Variants in ZNF407 observed in about 807,000 individuals in gnomAD.
The protein encoded by ZNF407 is zinc finger protein 407.
A neutral mutation model predicts 131.2 loss-of-function variants in ZNF407; 17 were observed. The ratio of observed to expected loss-of-function variants is 0.13; its 90% CI spans 0.09 to 0.19. The LOEUF is 0.19. ZNF407 is among the 10% of genes least tolerant of loss of function. The probability of loss-of-function intolerance (pLI) is 1.00; values close to 1 mark genes in which losing one functional copy is unlikely to be tolerated. For synonymous variants in ZNF407, 1,156 were observed against 1,062.0 expected (o/e 1.09, Z -1.72); for missense variants, 2,681 against 2,830.6 (o/e 0.95, Z 1.20).
rs181811156 is a variant in ZNF407 at position 74,984,663 on chromosome 18, A to G, written c.5428+63971A>G. On this transcript the variant is annotated intron_variant, in intron 8 of 8. Transcript: ENST00000299687. ...AAAACCTAAAAACTAAATGATGGTT[A>G]AGAAAATCCCGTATTGTTTCTGAGA... is the stretch of plus-strand genomic sequence containing the variant. Among the ~76,000 whole-genome samples the G allele has an allele frequency of 8.5e-5, 13 of 152,370 alleles. No homozygotes were observed. In the East Asian group the frequency reaches 1.5e-3, roughly 18 times the overall value.
At chr18:74,745,523 A>G (rs1334413164) in intron 3 of ZNF407, among the ~76,000 whole-genome samples, 1 of 152,146 alleles carries the variant, frequency 6.6e-6, no homozygotes, top group Non-Finnish European at 1.5e-5. Context: ...AAATGTAATC[A>G]TTTGGTATTG....
At chr18:74,876,438 C>T (rs1207459426) in intron 4 of ZNF407, among the ~76,000 whole-genome samples, 2 of 152,156 alleles carry the variant, frequency 1.3e-5, no homozygotes, top group Non-Finnish European at 2.9e-5. Context: ...GGCAGAAGAT[C>T]AAACAGAGGA....
At chr18:74,928,151 C>T (rs1432530370) in intron 8 of ZNF407, among the ~76,000 whole-genome samples, 1 of 152,048 alleles carries the variant, frequency 6.6e-6, no homozygotes, top group African/African-American at 2.4e-5. Flanking sequence ...GAAGTTATAG[C>T]CAAAGACATC....
intron 8 of ZNF407, among the ~76,000 whole-genome samples, chr18:74,977,358 C>T (rs1432304776): frequency 2.0e-5 from 3 of 152,208 alleles, no homozygotes; most frequent in Non-Finnish European, 4.4e-5. Context: ...TTCCACACTG[C>T]CACCACACAC....
intron 8 of ZNF407, among the ~76,000 whole-genome samples, chr18:74,985,539 A>T (rs1258654051): frequency 1.3e-5 from 2 of 152,234 alleles, no homozygotes; most frequent in Non-Finnish European, 2.9e-5. Context: ...GCAAACAAAA[A>T]TAAGGAGGAA....
intron 4 of ZNF407, among the ~76,000 whole-genome samples, chr18:74,835,414 C>T (rs1459991603): frequency 3.9e-5 from 6 of 152,146 alleles, no homozygotes; most frequent in Non-Finnish European, 8.8e-5. Flanking sequence ...AATTGGTCCC[C>T]GCCTCTGAGG....
chr18:74,690,761 ATTTAC>A (rs1209634794), intron 3 of ZNF407, among the ~76,000 whole-genome samples: 1 of 152,114 alleles, frequency 6.6e-6, no homozygotes, highest in Non-Finnish European at 1.5e-5. Flanking sequence ...GTAGTCATTA[ATTTAC>A]TTTGAGTACC....
At chr18:74,830,512 CT>C (rs1970468021) in intron 4 of ZNF407, among the ~76,000 whole-genome samples, 1 of 152,184 alleles carries the variant, frequency 6.6e-6, no homozygotes, top group Non-Finnish European at 1.5e-5. Flanking sequence ...AGGTCTTGCA[CT>C]TCTGGCCTCA....
intron 8 of ZNF407, among the ~76,000 whole-genome samples, chr18:74,988,464 G>A (rs1972679071): frequency 1.3e-5 from 2 of 150,520 alleles, no homozygotes. Flanking sequence ...AAAATAAAGA[G>A]AAAAGATATA....
intron 3 of ZNF407, among the ~76,000 whole-genome samples, chr18:74,704,922 T>A (rs879681997): frequency 1.3e-5 from 2 of 152,208 alleles, no homozygotes; most frequent in Non-Finnish European, 2.9e-5. Flanking sequence ...AATAGTAGGC[T>A]TGTATGCTTT....
intron 3 of ZNF407, among the ~76,000 whole-genome samples, chr18:74,770,494 A>T (rs1269857037): frequency 6.6e-6 from 1 of 152,224 alleles, no homozygotes; most frequent in East Asian, 1.9e-4. Flanking sequence ...TTCCAACGAA[A>T]AAAAACAAGA....
chr18:74,719,713 C>T (rs1450731917), intron 3 of ZNF407, among the ~76,000 whole-genome samples: 2 of 152,176 alleles, frequency 1.3e-5, no homozygotes, highest in South Asian at 4.1e-4. Context: ...CTACTTTTTA[C>T]TTCTATGCGA....
At chr18:74,688,841 T>G (rs902899837) in intron 3 of ZNF407, among the ~76,000 whole-genome samples, 2 of 152,184 alleles carry the variant, frequency 1.3e-5, no homozygotes, top group Non-Finnish European at 2.9e-5. Flanking sequence ...TATCTTTCTT[T>G]TTTTTCAGAC....
intron 3 of ZNF407, among the ~76,000 whole-genome samples, chr18:74,724,175 AATTTT>A (rs1363074069): frequency 3.3e-5 from 5 of 152,216 alleles, no homozygotes; most frequent in African/African-American, 1.2e-4. Context: ...TTGTACATAA[AATTTT>A]ATTTTATTTT....
chr18:74,635,094 T>C lies in ZNF407; in HGVS notation c.4075T>C (p.Ser1359Pro), dbSNP rs1599030548. The C allele has an allele frequency of 6.2e-7, 1 of 1,613,902 alleles. No homozygotes were observed. Among genetic ancestry groups the C allele is most frequent in the Non-Finnish European group, 8.5e-7 (1 of 1,179,866 alleles). The change falls in exon 2 of 9, where the codon TCC becomes CCC. Residue 1359 changes from serine (S) to proline (P), a missense_variant. Physicochemically the swap from Ser to Pro is moderately conservative, Grantham distance 74. This residue lies in a region of ZNF407 where 1,789 missense variants were observed against 1,748.7 expected (regional missense o/e 1.02). Transcript: ENST00000299687. This position sits in a 1 kb window ranked among gnomAD's most constrained non-coding sequence, Gnocchi z 4.7. ...AMYSFGRFDS[S>P]IIRIKNPEDG... ...GTACAGTTTTGGTCGATTTGACTCC[T>C]CCATAATAAGAATAAAGAACCCTGA...
intron 5 of ZNF407, among the ~76,000 whole-genome samples, chr18:74,880,026 A>G (rs1191332153): frequency 6.6e-6 from 1 of 152,260 alleles, no homozygotes; most frequent in African/African-American, 2.4e-5. Context: ...GACTTGTTGC[A>G]TTAAATGTCT....
At position 74,631,813 on chromosome 18, in the gene ZNF407, G is replaced by T. The variant is rs766758339; in HGVS notation, c.794G>T (p.Gly265Val). ...EENLLNAHYL[G>V]KTHLRRQNLA... is the part of the protein sequence containing the mutation. ...AACTTGTTGAATGCACATTATCTTG[G>T]CAAAACACATCTCCGTCGTCAGAAT... Residue 265 changes from glycine (G) to valine (V), a missense_variant, in exon 2 of 9, where the codon GGC (glycine) becomes GTC (valine). Gly to Val is a moderately radical substitution (Grantham distance 109). This residue lies in a region of ZNF407 where 1,789 missense variants were observed against 1,748.7 expected (regional missense o/e 1.02). Coordinates refer to ENST00000299687, the MANE Select transcript of ZNF407 (RefSeq NM_017757.3). 6.2e-7 allele frequency: 1 copy of T among 1,613,954 alleles called. No homozygotes were observed. Among genetic ancestry groups the T allele is most frequent in the Non-Finnish European group, 8.5e-7 (1 of 1,179,898 alleles).
At chr18:74,720,114 G>A (rs1012970581) in intron 3 of ZNF407, among the ~76,000 whole-genome samples, 24 of 151,750 alleles carry the variant, frequency 1.6e-4, no homozygotes, top group Non-Finnish European at 2.2e-4. Flanking sequence ...ATTAGTTTAT[G>A]TTTCCACCAA....
chr18:74,646,459 TAC>T (rs1259989049), intron 3 of ZNF407, among the ~76,000 whole-genome samples: 3 of 152,198 alleles, frequency 2.0e-5, no homozygotes, highest in African/African-American at 7.2e-5. Flanking sequence ...TTGTAAATGA[TAC>T]GTTATATATT....
Sources: allele counts gnomAD v4.1 joint callset (sites outside exome capture counted in the v4.1 genomes callset), GRCh38; gene constraint gnomAD v4.1.1; regional missense constraint gnomAD v4.1.1; non-coding constraint Gnocchi (gnomAD v3.1); transcripts MANE v1.5; gene names NCBI Gene and HGNC (gene_info 2026-07-23, HGNC 2026-07-21).